TACC1: variants seen among roughly 807,000 people sequenced by gnomAD.
The protein encoded by TACC1 is transforming acidic coiled-coil containing protein 1.
In TACC1, 48 loss-of-function variants were observed where a neutral mutation model predicts 84.4. The ratio of observed to expected loss-of-function variants is 0.57; its 90% CI spans 0.45 to 0.72. The LOEUF (loss-of-function observed/expected upper bound fraction) is 0.72, where lower values mean the gene tolerates loss of function less well. Among genes scored for constraint, TACC1 ranks in the 30% least tolerant of loss-of-function variants. The pLI is 0.00. For missense variants in TACC1, 920 were observed against 973.0 expected (o/e 0.95, Z 0.72); for synonymous variants, 372 against 376.3 (o/e 0.99, Z 0.13).
At chr8:38,810,168 T>C (rs1823737447) in intron 2 of TACC1, among the ~76,000 whole-genome samples, 1 of 152,168 alleles carries the variant, frequency 6.6e-6, no homozygotes, top group Admixed American at 6.5e-5. Flanking sequence ...CCAGATATCA[T>C]GTCATGATAC....
intron 2 of TACC1, among the ~76,000 whole-genome samples, chr8:38,802,811 T>A (rs1384790400): frequency 6.6e-6 from 1 of 151,966 alleles, no homozygotes; most frequent in East Asian, 1.9e-4. Context: ...TCTTTAATAA[T>A]CAGATCTGAG....
intron 2 of TACC1, among the ~76,000 whole-genome samples, chr8:38,809,013 CT>C (rs1823424932): frequency 6.6e-6 from 1 of 151,980 alleles, no homozygotes; most frequent in Admixed American, 6.6e-5. Flanking sequence ...TACCTGGCAC[CT>C]GCCCCGAGCT....
At chr8:38,767,110 T>C (rs1012689825) in intron 3 of TACC1, among the ~76,000 whole-genome samples, 2 of 152,182 alleles carry the variant, frequency 1.3e-5, no homozygotes, top group African/African-American at 4.8e-5. Flanking sequence ...TGTCTATGAG[T>C]CTTGCTTTCC....
intron 8 of TACC1, chr8:38,839,490 C>T: frequency 5.7e-6 from 2 of 351,314 alleles, no homozygotes; most frequent in Non-Finnish European, 5.1e-6. Context: ...GTCTTTTAAG[C>T]ATTTCCTAGG....
At chr8:38,786,828 ATT>A (rs71216687), upstream of TACC1, among the ~76,000 whole-genome samples, 41,052 of 147,820 alleles carry the variant, frequency 0.28, 6,070 homozygotes, top group African/African-American at 0.37. Flanking sequence ...GAAGGTTTGT[ATT>A]TTTTTTTTTT....
chr8:38,738,072 C>T (rs1806327918), intron 1 of TACC1, among the ~76,000 whole-genome samples: 1 of 151,978 alleles, frequency 6.6e-6, no homozygotes, highest in African/African-American at 2.4e-5. Context: ...AGAGATCTTC[C>T]TGTAGTTCCT....
Position 38,788,351 on chromosome 8 carries a change from A to G in TACC1, c.162-353A>G, listed in dbSNP as rs544511430. The G allele has an allele frequency of 1.1e-4, 23 of 205,230 alleles. No individual in the cohort carries two copies. The South Asian group carries it at 1.9e-3, about 17-fold the overall frequency. 12.7% of individuals were successfully genotyped at this position (205,230 alleles called of 1,614,324 possible). A position where few individuals can be genotyped will look rare whatever the true frequency, so the allele number is the denominator to read the frequency against. On this transcript the variant is annotated intron_variant, in intron 1 of 12. Transcript: ENST00000317827. ...ATCGGCCTAACTCGGGGGTGGGACC[A>G]GTATTAATTGTTAAAGCCTCTGGGA...
rs1832999802 is a variant in TACC1 at position 38,850,901 on chromosome 8, T to G, written c.*2878T>G. Reference sequence around the variant, plus strand: ...AGATTCTGGATCCAGAGCAATTTCTTTAGCTTTTGACTTTGCCAAAGTGTA... The same window carrying G: ...AGATTCTGGATCCAGAGCAATTTCTGTAGCTTTTGACTTTGCCAAAGTGTA... On this transcript the variant is annotated 3_prime_UTR_variant, in exon 13 of 13. Transcript: ENST00000317827. 6.6e-6 allele frequency: 1 copy of G among 152,666 alleles called. No homozygotes were observed. Among genetic ancestry groups the G allele is most frequent in the South Asian group, 2.1e-4 (1 of 4,836 alleles). 9.5% of individuals were successfully genotyped at this position (152,666 alleles called of 1,614,324 possible).
Position 38,819,823 on chromosome 8 carries a change from C to T in TACC1, c.579C>T (p.Asp193=), listed in dbSNP as rs765384775. The change falls in exon 3 of 13, where the codon GAC becomes GAT. Residue 193 remains aspartate (D), a synonymous_variant. Coordinates refer to ENST00000317827, the MANE Select transcript of TACC1 (RefSeq NM_006283.3). ...LPSSPPDALQ[D]EAMTEGSMGV... ...CCAGCCCGCCAGACGCCCTCCAGGA[C>T]GAGGCGATGACAGAAGGCAGCATGG... is the stretch of plus-strand genomic sequence containing the variant. 109 of 1,613,798 alleles carry T rather than the reference C, an allele frequency of 6.8e-5. No individual in the cohort carries two copies. Among genetic ancestry groups the T allele is most frequent in the Non-Finnish European group, 8.6e-5 (101 of 1,180,048 alleles).
At chr8:38,826,503 C>CA (rs1189284365) in intron 4 of TACC1, among the ~76,000 whole-genome samples, 7 of 152,172 alleles carry the variant, frequency 4.6e-5, no homozygotes, top group Non-Finnish European at 1.0e-4. Context: ...GATAAGTCTC[C>CA]AGCAGAAAAA....
chr8:38,833,632 G>A, intron 6 of TACC1, among the ~76,000 whole-genome samples: 1 of 152,298 alleles, frequency 6.6e-6, no homozygotes, highest in African/African-American at 2.4e-5. Flanking sequence ...GACCCCACAT[G>A]TGTTAGCATT....
chr8:38,802,520 C>T (rs533155042), intron 2 of TACC1, among the ~76,000 whole-genome samples: 6 of 152,316 alleles, frequency 3.9e-5, no homozygotes, highest in East Asian at 3.9e-4. Context: ...CCCATCTCCC[C>T]GGTCCATGGA....
intron 7 of TACC1, among the ~76,000 whole-genome samples, chr8:38,837,916 C>G (rs1256808655): frequency 6.6e-6 from 1 of 152,246 alleles, no homozygotes; most frequent in Non-Finnish European, 1.5e-5. Flanking sequence ...TAGCAAGACT[C>G]TACCCATAAG....
At chr8:38,812,439 ATC>A (rs1824429053) in intron 2 of TACC1, among the ~76,000 whole-genome samples, 1 of 152,136 alleles carries the variant, frequency 6.6e-6, no homozygotes, top group Non-Finnish European at 1.5e-5. Flanking sequence ...CTCTTTTTAT[ATC>A]TCAGACTGGC....
At chr8:38,741,659 A>G (rs1807095749) in intron 1 of TACC1, among the ~76,000 whole-genome samples, 1 of 151,950 alleles carries the variant, frequency 6.6e-6, no homozygotes, top group African/African-American at 2.4e-5. Flanking sequence ...TGGTGGATGT[A>G]CTCTTCCTGC....
chr8:38,792,895 T>C (rs563277996), intron 2 of TACC1, among the ~76,000 whole-genome samples: 1 of 152,310 alleles, frequency 6.6e-6, no homozygotes, highest in East Asian at 1.9e-4. Flanking sequence ...CTACCATGCC[T>C]GGCTTTTGTG....
At chr8:38,808,130 T>C (rs992691058) in intron 2 of TACC1, among the ~76,000 whole-genome samples, 1 of 152,246 alleles carries the variant, frequency 6.6e-6, no homozygotes, top group Admixed American at 6.5e-5. Flanking sequence ...CAGGCAATGC[T>C]GTGCTTGTCA....
chr8:38,740,981 ACTATATGGC>A (rs1806953077), intron 1 of TACC1, among the ~76,000 whole-genome samples: 1 of 152,076 alleles, frequency 6.6e-6, no homozygotes, highest in Admixed American at 6.5e-5. Context: ...TCCTAAAGTC[ACTATATGGC>A]CTCTAAGGAC....
chr8:38,755,062 A>C (rs1366361443), intron 3 of TACC1, among the ~76,000 whole-genome samples: 4 of 150,062 alleles, frequency 2.7e-5, no homozygotes, highest in African/African-American at 7.3e-5. Flanking sequence ...CGGGAGGCTG[A>C]GGCAGGAGAA....
Sources: allele counts gnomAD v4.1 joint callset (sites outside exome capture counted in the v4.1 genomes callset), GRCh38; gene constraint gnomAD v4.1.1; transcripts MANE v1.5; gene names NCBI Gene and HGNC (gene_info 2026-07-23, HGNC 2026-07-21).